The following SEC23B variants were observed in gnomAD, a reference collection of about 807,000 sequenced individuals.
SEC23B encodes SEC23 homolog B, COPII component, also known as protein transport protein Sec23B.
In SEC23B, 77 loss-of-function variants were observed where a neutral mutation model predicts 104.3. The ratio of observed to expected loss-of-function variants is 0.74; its 90% CI spans 0.61 to 0.89. The LOEUF is 0.89. Ranked by LOEUF, SEC23B falls within the 40% of genes least tolerant of loss-of-function variation. SEC23B has a pLI of 0.00. For missense variants in SEC23B, 885 were observed against 949.4 expected (o/e 0.93, Z 0.89); for synonymous variants, 338 against 332.5 (o/e 1.02, Z -0.18).
At chr20:18,544,159 A>G (rs1023585431) in intron 14 of SEC23B, among the ~76,000 whole-genome samples, 3 of 152,200 alleles carry the variant, frequency 2.0e-5, no homozygotes, top group African/African-American at 7.2e-5. Context: ...CAATAAATCA[A>G]TAATTGGCAC....
chr20:18,525,922 G>T lies in SEC23B; in HGVS notation c.824G>T (p.Gly275Val). The change falls in exon 7 of 20, where the codon GGC becomes GTC. Residue 275 changes from glycine to valine, a missense_variant. By Grantham distance (109) the Gly-to-Val change is moderately radical. Coordinates refer to ENST00000650089, the MANE Select transcript of SEC23B (RefSeq NM_006363.6). ...GGTGTGGCTTTGTCCATTGCTGTTG[G>T]CTTGCTGGAGGTAATTTAAAATTTA... ...STGVALSIAV[G>V]LLEGTFPNTG... is the part of the protein sequence containing the mutation. The T allele has an allele frequency of 1.2e-6, 2 of 1,614,196 alleles. No homozygotes were observed. The highest frequency in any genetic ancestry group is 1.1e-5 in the South Asian group (1 of 91,084).
At chr20:18,541,546 C>T (rs1338892374) in intron 12 of SEC23B, among the ~76,000 whole-genome samples, 1 of 152,166 alleles carries the variant, frequency 6.6e-6, no homozygotes, top group African/African-American at 2.4e-5. Context: ...TAACTGGCCT[C>T]ATTTCAATAT....
chr20:18,551,571 AG>A (rs1156796002), intron 17 of SEC23B, among the ~76,000 whole-genome samples: 1 of 151,948 alleles, frequency 6.6e-6, no homozygotes, highest in Non-Finnish European at 1.5e-5. Flanking sequence ...AAAGTTAGCC[AG>A]GCGTGGTGGC....
intron 16 of SEC23B, among the ~76,000 whole-genome samples, chr20:18,550,224 G>T (rs2060375286): frequency 6.6e-6 from 1 of 151,166 alleles, no homozygotes; most frequent in African/African-American, 2.4e-5. Flanking sequence ...GTGCGATCTT[G>T]GCTCACTGCA....
chr20:18,521,009 G>A (rs1004546174), intron 4 of SEC23B, among the ~76,000 whole-genome samples: 9 of 152,080 alleles, frequency 5.9e-5, no homozygotes, highest in African/African-American at 1.7e-4. Context: ...GAAGAATCCC[G>A]GGCTGCGGGC....
In SEC23B at chr20:18,510,324, T is replaced by C. The variant is rs190708094; in HGVS notation, c.-14-498T>C. Among the ~76,000 whole-genome samples, 511 of 152,328 alleles carry C rather than the reference T, an allele frequency of 3.4e-3. 10 individuals carry two copies. The highest frequency in any genetic ancestry group is 0.03 in the Admixed American group (457 of 15,300). On this transcript the variant is annotated intron_variant, in intron 1 of 19. Transcript: ENST00000650089. ...GGTGATTGTAAACCTCCCACTCCTTTGATTTATTTTTAAGTGCTTGAAAGG... is the reference window on the plus strand; with the variant it reads ...GGTGATTGTAAACCTCCCACTCCTTCGATTTATTTTTAAGTGCTTGAAAGG...
rs1178057615 is a variant in SEC23B at position 18,561,393 on chromosome 20, A to G, written c.*653A>G. ...CTCAATTCTCATTTTCAAAGAATCA[A>G]TATATTAATATACCTTTGGTCATTT... On this transcript the variant is annotated 3_prime_UTR_variant, in exon 20 of 20. Transcript: ENST00000650089. 2 of 152,534 alleles carry G rather than the reference A, an allele frequency of 1.3e-5. No individual in the cohort carries two copies. The highest frequency in any genetic ancestry group is 6.5e-5 in the Admixed American group (1 of 15,306). The allele number at this position is 152,534 out of a possible 1,614,324, so 9.4% of individuals were successfully genotyped here. A position where few individuals can be genotyped will look rare whatever the true frequency, so the allele number is the denominator to read the frequency against.
At chr20:18,514,434 C>G (rs2039812247) in intron 3 of SEC23B, among the ~76,000 whole-genome samples, 1 of 152,106 alleles carries the variant, frequency 6.6e-6, no homozygotes, top group South Asian at 2.1e-4. Context: ...GAGATTCTTG[C>G]TGGGGCTCGC....
intron 19 of SEC23B, among the ~76,000 whole-genome samples, chr20:18,558,689 G>A (rs2060464185): frequency 1.3e-5 from 2 of 151,938 alleles, no homozygotes; most frequent in South Asian, 2.1e-4. Flanking sequence ...TATGCACTGC[G>A]CTTTTTGTTT....
At chr20:18,550,545 A>G (rs1786720612) in intron 16 of SEC23B, among the ~76,000 whole-genome samples, 1 of 152,230 alleles carries the variant, frequency 6.6e-6, no homozygotes, top group African/African-American at 2.4e-5. Context: ...TCTACAGAGA[A>G]TGTCTGTAGA....
chr20:18,535,751 G>T lies in SEC23B; in HGVS notation c.1404+9G>T. 1 of 1,598,514 alleles carries T rather than the reference G, an allele frequency of 6.3e-7. No individual in the cohort carries two copies. The highest frequency in any genetic ancestry group is 8.6e-7 in the Non-Finnish European group (1 of 1,165,862). On this transcript the variant is annotated intron_variant, in intron 12 of 19. Coordinates refer to ENST00000650089, the MANE Select transcript of SEC23B (RefSeq NM_006363.6). ...TTGAAGTTGTCAATCAGGTGAGTTG[G>T]ATTTCTTCACATGTCTTCATGTCTT...
chr20:18,540,646 A>G (rs1409915815), intron 12 of SEC23B, among the ~76,000 whole-genome samples: 1 of 152,188 alleles, frequency 6.6e-6, no homozygotes, highest in Non-Finnish European at 1.5e-5. Context: ...GCTTGATCTC[A>G]GGAGCTCAAG....
chr20:18,533,728 G>A (rs1478162077), intron 11 of SEC23B, among the ~76,000 whole-genome samples: 1 of 152,164 alleles, frequency 6.6e-6, no homozygotes, highest in Non-Finnish European at 1.5e-5. Flanking sequence ...GCACATTCCT[G>A]TAGCCTTCTG....
At chr20:18,535,579 G>A in intron 11 of SEC23B, 74 bp from the exon 12 acceptor site, 1 of 1,143,778 alleles carries the variant, frequency 8.7e-7, no homozygotes, top group Non-Finnish European at 1.3e-6. Flanking sequence ...TACTCAGTCA[G>A]TACTTTTCAT....
At chr20:18,535,129 C>G (rs188482419) in intron 11 of SEC23B, among the ~76,000 whole-genome samples, 1 of 152,236 alleles carries the variant, frequency 6.6e-6, no homozygotes, top group Admixed American at 6.5e-5. Flanking sequence ...TCTTAAGAGT[C>G]TGACTTGATT....
rs760969796 is a variant in SEC23B, at chr20:18,535,678, A to G, written c.1340A>G (p.Gln447Arg). The change falls in exon 12 of 20, where the codon CAG becomes CGG. Residue 447 changes from glutamine (Q) to arginine (R), a missense_variant. Gln to Arg is a conservative substitution (Grantham distance 43). Coordinates refer to ENST00000650089, the MANE Select transcript of SEC23B (RefSeq NM_006363.6). ...GAGCTTGGTGTTGGTGGCACGAGTCAGTGGAAAATCTGTGGCCTAGATCCT... is the reference window on the plus strand; with the variant it reads ...GAGCTTGGTGTTGGTGGCACGAGTCGGTGGAAAATCTGTGGCCTAGATCCT... ...ENELGVGGTS[Q>R]WKICGLDPTS... 14 of 1,614,128 alleles carry G rather than the reference A, an allele frequency of 8.7e-6. No individual in the cohort carries two copies. The Admixed American group carries it at 2.3e-4, about 27-fold the overall frequency.
At chr20:18,512,956 C>T (rs536748632) in intron 3 of SEC23B, among the ~76,000 whole-genome samples, 116 of 151,976 alleles carry the variant, frequency 7.6e-4, no homozygotes, top group African/African-American at 2.7e-3. Context: ...GAGGCTGAGG[C>T]GGGCAGATCA....
chr20:18,541,485 A>G (rs1441464521), intron 12 of SEC23B, among the ~76,000 whole-genome samples: 1 of 152,206 alleles, frequency 6.6e-6, no homozygotes, highest in Non-Finnish European at 1.5e-5. Context: ...AAAATGAGAG[A>G]TGTGTGACTC....
At chr20:18,554,045 C>T (rs1039478352) in intron 17 of SEC23B, among the ~76,000 whole-genome samples, 190 bp from the exon 18 acceptor site, 6 of 152,108 alleles carry the variant, frequency 3.9e-5, no homozygotes, top group African/African-American at 7.2e-5. Context: ...AATGCGCAGG[C>T]GGGGGCATTT....
Sources: gnomAD v4.1 joint callset for allele counts (sites outside exome capture counted in the v4.1 genomes callset) on GRCh38, gnomAD v4.1.1 for gene constraint, MANE v1.5 for transcripts, NCBI Gene and HGNC (gene_info 2026-07-23, HGNC 2026-07-21) for gene names.